Variants in SPNS2 observed in about 807,000 individuals in gnomAD.
SPNS2 encodes the protein sphingosine-1-phosphate transporter SPNS2.
Under a neutral mutation model 57.6 loss-of-function variants are expected in SPNS2, and 37 were observed. That is an observed-to-expected ratio of 0.64 (90% confidence interval 0.49 to 0.85). The LOEUF is 0.85. Ranked by LOEUF, SPNS2 falls within the 40% of genes least tolerant of loss-of-function variation. SPNS2 has a pLI of 0.00. For missense variants in SPNS2, 831 were observed against 779.1 expected, an observed-to-expected ratio of 1.07 and a Z score of -0.79; for synonymous variants, 440 against 346.9, an observed-to-expected ratio of 1.27 and a Z score of -2.98.
intron 3 of SPNS2, among the ~76,000 whole-genome samples, chr17:4,529,252 T>A (rs1431458752): frequency 1.5e-4 from 23 of 151,806 alleles, no homozygotes; most frequent in Non-Finnish European, 1.5e-5. Context: ...ATCTTATTTT[T>A]AAATTTTTTT....
chr17:4,523,842 C>G (rs1187847987), intron 2 of SPNS2, among the ~76,000 whole-genome samples: 1 of 152,254 alleles, frequency 6.6e-6, no homozygotes, highest in Non-Finnish European at 1.5e-5. Flanking sequence ...CACCATCTGA[C>G]AAGCTGTGTT....
chr17:4,523,015 T>TCCTCCAACATGCTAAGTAAACTCCTGCC (rs1393430297), intron 2 of SPNS2, among the ~76,000 whole-genome samples: 1 of 152,226 alleles, frequency 6.6e-6, no homozygotes, highest in Non-Finnish European at 1.5e-5. Context: ...TCTTTCCTGC[T>TCCTCCAACATGCTAAGTAAACTCCTGCC]CCTCCAACAT....
intron 9 of SPNS2, 79 bp downstream of exon 9, chr17:4,533,932 G>GT: frequency 4.4e-6 from 4 of 916,422 alleles, no homozygotes; most frequent in Non-Finnish European, 5.2e-6. Context: ...GGGAGGGCGG[G>GT]TGAAGGGGCG....
chr17:4,536,439 G>GT lies in SPNS2; in HGVS notation c.1607+13_1607+14insT. On this transcript the variant is annotated intron_variant, in intron 11 of 12. Transcript: ENST00000329078. ...GGGCTGAGCAGCAGTGAGTGGGGGG[G>GT]AGGGGAGGCCCTGCTGCACCGCCGG... The GT allele has an allele frequency of 6.3e-7, 1 of 1,583,024 alleles. No homozygotes were observed. The highest frequency in any genetic ancestry group is 8.6e-7 in the Non-Finnish European group (1 of 1,165,056).
intron 1 of SPNS2, among the ~76,000 whole-genome samples, chr17:4,503,774 A>G (rs1394924156): frequency 6.6e-6 from 1 of 152,234 alleles, no homozygotes; most frequent in Non-Finnish European, 1.5e-5. Flanking sequence ...GAGGAAAGGC[A>G]GAGCCTTGCC....
At chr17:4,501,569 A>G (rs370893856) in intron 1 of SPNS2, among the ~76,000 whole-genome samples, 46 of 151,968 alleles carry the variant, frequency 3.0e-4, no homozygotes, top group African/African-American at 1.1e-3. Context: ...CTCACACACC[A>G]CCCCACCCCC....
chr17:4,523,857 ATTTG>A lies in SPNS2; in HGVS notation c.437-1196_437-1193del, dbSNP rs556088027. ...CACCATCTGACAAGCTGTGTTATTGATTTGTTTATTTCTTTATTGTCTATTTCTC... is the reference window on the plus strand; with the variant it reads ...CACCATCTGACAAGCTGTGTTATTGATTTATTTCTTTATTGTCTATTTCTC... On this transcript the variant is annotated intron_variant, in intron 2 of 12. Transcript: ENST00000329078. 1.9e-4 allele frequency among the ~76,000 whole-genome samples: 29 copies of A among 152,172 alleles called. No individual in the cohort carries two copies. In the South Asian group the frequency reaches 5.8e-3, roughly 30 times the overall value.
chr17:4,530,517 C>A lies in SPNS2; in HGVS notation c.574-115C>A, dbSNP rs1445787714. 7 of 1,294,570 alleles carry A rather than the reference C, an allele frequency of 5.4e-6. No homozygotes were observed. In the East Asian group the frequency reaches 1.4e-4, roughly 26 times the overall value. 80.2% of individuals were successfully genotyped at this position (1,294,570 alleles called of 1,614,324 possible). A position where few individuals can be genotyped will look rare whatever the true frequency, so the allele number is the denominator to read the frequency against. On this transcript the variant is annotated intron_variant, in intron 3 of 12. Transcript: ENST00000329078. ...GAGGTGCAGCCCACCAGCACCCTCA[C>A]CCTTCTCTCCCCTGGCTCCTGGGCC...
chr17:4,536,143 G>A lies in SPNS2; in HGVS notation c.1412G>A (p.Gly471Glu). 1 of 1,612,612 alleles carries A rather than the reference G, an allele frequency of 6.2e-7. No homozygotes were observed. Among genetic ancestry groups the A allele is most frequent in the Non-Finnish European group, 8.5e-7 (1 of 1,179,876 alleles). ...CAGAGCTTCACCTCCCACCTGCTGGGGGACGCCGGGAGCCCCTACCTCATT... is the reference window on the plus strand; with the variant it reads ...CAGAGCTTCACCTCCCACCTGCTGGAGGACGCCGGGAGCCCCTACCTCATT... ...ALQSFTSHLL[G>E]DAGSPYLIGF... is the part of the protein sequence containing the mutation. The change falls in exon 10 of 13, where the codon GGG (glycine) becomes GAG (glutamate). Residue 471 changes from glycine to glutamate, a missense_variant. This residue lies in a region of SPNS2 where 526 missense variants were observed against 400.9 expected (regional missense o/e 1.31). Coordinates refer to ENST00000329078, the MANE Select transcript of SPNS2 (RefSeq NM_001124758.3).
chr17:4,533,003 C>A lies in SPNS2; in HGVS notation c.962C>A (p.Ala321Asp). ...CGCAGCTACGTCTTCTCCTCCCTGG[C>A]CACGTCGGCTGTCTCCTTCGCCACG... The part of the protein sequence containing the change: ...RNRSYVFSSL[A>D]TSAVSFATGA... Residue 321 changes from alanine (A) to aspartate (D), a missense_variant, in exon 7 of 13, where the codon GCC (alanine) becomes GAC (aspartate). Coordinates refer to ENST00000329078, the MANE Select transcript of SPNS2 (RefSeq NM_001124758.3). The A allele has an allele frequency of 6.2e-7, 1 of 1,612,986 alleles. No homozygotes were observed. The highest frequency in any genetic ancestry group is 8.5e-7 in the Non-Finnish European group (1 of 1,179,770).
chr17:4,531,999 G>A (rs1360093192), intron 5 of SPNS2, among the ~76,000 whole-genome samples: 1 of 152,048 alleles, frequency 6.6e-6, no homozygotes. Flanking sequence ...CCTTCCCAGG[G>A]CCCTGCGGCT....
intron 4 of SPNS2, 33 bp from the exon 5 acceptor site, chr17:4,531,020 C>G (rs761899373): frequency 1.2e-6 from 2 of 1,612,206 alleles, no homozygotes; most frequent in Non-Finnish European, 1.7e-6. Flanking sequence ...GCCCCTGTCT[C>G]TGCTCAGCCT....
Position 4,499,525 on chromosome 17 carries a change from A to G in SPNS2, c.370+108A>G, listed in dbSNP as rs979044497. On this transcript the variant is annotated intron_variant, in intron 1 of 12. Transcript: ENST00000329078. The surrounding 1 kb of genome is among the most constrained non-coding windows in gnomAD (Gnocchi z 5.2). ...TTTTGGTCTCAGGCCTGCTATCTCC[A>G]GGCCCTACGTGAGGTCCCTACGGAC... The G allele has an allele frequency of 1.5e-5, 10 of 675,846 alleles. No individual in the cohort carries two copies. In the African/African-American group the frequency reaches 1.5e-4, roughly 10 times the overall value. The allele number at this position is 675,846 out of a possible 1,614,324, so 41.9% of individuals were successfully genotyped here.
At position 4,537,719 on chromosome 17, in the gene SPNS2, G is replaced by C. The variant is rs143410207; in HGVS notation, c.*271G>C. ...CCGCAGGGCCCCTGGGGCCAAGGAAGAAGACAGCCCCAAGTGGGTGTCCGG... is the reference window on the plus strand; with the variant it reads ...CCGCAGGGCCCCTGGGGCCAAGGAACAAGACAGCCCCAAGTGGGTGTCCGG... On this transcript the variant is annotated 3_prime_UTR_variant, in exon 13 of 13. Transcript: ENST00000329078. 2.2e-6 allele frequency: 1 copy of C among 456,792 alleles called. No individual in the cohort carries two copies. Among genetic ancestry groups the C allele is most frequent in the African/African-American group, 2.0e-5 (1 of 50,224 alleles). 28.3% of individuals were successfully genotyped at this position (456,792 alleles called of 1,614,324 possible). A position where few individuals can be genotyped will look rare whatever the true frequency, so the allele number is the denominator to read the frequency against.
intron 3 of SPNS2, 143 bp from the exon 4 acceptor site, chr17:4,530,489 A>T: frequency 2.1e-6 from 2 of 953,234 alleles, no homozygotes; most frequent in Admixed American, 2.5e-5. Context: ...GGTGGTCTTT[A>T]CGGAGGTGCA....
intron 9 of SPNS2, 79 bp downstream of exon 9, chr17:4,533,932 G>GGGGGGGTTT: frequency 1.1e-6 from 1 of 916,434 alleles, no homozygotes; most frequent in Non-Finnish European, 1.7e-6. Context: ...GGGAGGGCGG[G>GGGGGGGTTT]TGAAGGGGCG....
intron 2 of SPNS2, among the ~76,000 whole-genome samples, chr17:4,522,331 T>G (rs1205592449): frequency 6.6e-6 from 1 of 152,174 alleles, no homozygotes; most frequent in Non-Finnish European, 1.5e-5. Flanking sequence ...GGTCACCGGC[T>G]GGGAAGGAGC....
chr17:4,527,423 T>TGGGAAGA (rs1179766911), intron 3 of SPNS2, among the ~76,000 whole-genome samples: 2 of 152,244 alleles, frequency 1.3e-5, no homozygotes, highest in African/African-American at 4.8e-5. Flanking sequence ...AAGAACTATC[T>TGGGAAGA]ATCCATCTGG....
intron 4 of SPNS2, 76 bp downstream of exon 4, chr17:4,530,859 C>A: frequency 6.4e-7 from 1 of 1,555,920 alleles, no homozygotes. Flanking sequence ...CTCCCACTCC[C>A]TGGGGTTCTA....
Sources: gnomAD v4.1 joint callset for allele counts (sites outside exome capture counted in the v4.1 genomes callset) on GRCh38, gnomAD v4.1.1 for gene constraint, gnomAD v4.1.1 regional missense constraint, Gnocchi (gnomAD v3.1) non-coding constraint, MANE v1.5 for transcripts, NCBI Gene and HGNC (gene_info 2026-07-23, HGNC 2026-07-21) for gene names.